WWOX: variants seen among roughly 807,000 people sequenced by gnomAD.
WWOX encodes WW domain-containing oxidoreductase.
WWOX carries 69 observed loss-of-function variants against 46.2 expected under a neutral mutation model. That is an observed-to-expected ratio of 1.49 (90% CI 1.23 to 1.82). The LOEUF (loss-of-function observed/expected upper bound fraction) is 1.82. WWOX is among the 40% of genes most tolerant of loss of function. WWOX has a pLI of 0.00. For missense variants in WWOX, 919 were observed against 542.6 expected (o/e 1.69, Z -6.89); for synonymous variants, 359 against 202.6 (o/e 1.77, Z -6.56).
intron 8 of WWOX, among the ~76,000 whole-genome samples, chr16:78,709,476 G>T (rs1019110599): frequency 9.2e-5 from 14 of 152,156 alleles, no homozygotes; most frequent in Admixed American, 6.5e-4. Context: ...TATTACCAGG[G>T]TATTCTGTTC....
At chr16:79,051,174 G>C (rs944086539) in intron 8 of WWOX, among the ~76,000 whole-genome samples, 3 of 152,286 alleles carry the variant, frequency 2.0e-5, no homozygotes, top group Non-Finnish European at 2.9e-5. Context: ...CTTGAAGTTG[G>C]AGCCTGTTGG....
At chr16:78,890,153 C>G (rs981835160) in intron 8 of WWOX, 1 of 152,118 alleles carries the variant, frequency 6.6e-6, no homozygotes, top group Non-Finnish European at 1.5e-5. Context: ...AATGTCATAA[C>G]AGTTTTGAAG....
chr16:78,565,198 C>G (rs941561670), intron 8 of WWOX, among the ~76,000 whole-genome samples: 11 of 152,158 alleles, frequency 7.2e-5, no homozygotes, highest in African/African-American at 1.7e-4. Flanking sequence ...TGTTTCTTTC[C>G]TCTTGCTGAT....
chr16:78,828,631 A>C lies in WWOX; in HGVS notation c.1057-382977A>C, dbSNP rs35126225. Among the ~76,000 whole-genome samples, 1,523 of 152,316 alleles carry C rather than the reference A, an allele frequency of 1.0e-2. 13 individuals carry two copies. The highest frequency in any genetic ancestry group is 0.027 in the Middle Eastern group (8 of 294). The stretch of plus-strand genomic sequence containing the variant: ...CATGTCCTAATAATAAACGTGATAT[A>C]ATCTATCATTATTTACAAAACTTCA... On this transcript the variant is annotated intron_variant, in intron 8 of 8. Transcript: ENST00000566780.
intron 8 of WWOX, among the ~76,000 whole-genome samples, chr16:78,665,122 G>A (rs969029367): frequency 3.9e-5 from 6 of 152,308 alleles, no homozygotes; most frequent in Middle Eastern, 3.4e-3. Context: ...AGATAGCAGA[G>A]CCCGGGGCTT....
At position 78,211,646 on chromosome 16, in the gene WWOX, C is replaced by T. The variant is rs138067201; in HGVS notation, c.516+47357C>T. On this transcript the variant is annotated intron_variant, in intron 5 of 8. Transcript: ENST00000566780. Reference sequence around the variant, plus strand: ...GGCTGCTGGACTGTGTGCTTAGAATCAGTGTGCTAACTCTGTTACCAACAC... The same window carrying T: ...GGCTGCTGGACTGTGTGCTTAGAATTAGTGTGCTAACTCTGTTACCAACAC... Among the ~76,000 whole-genome samples the T allele has an allele frequency of 5.2e-3, 795 of 152,294 alleles. 6 individuals are homozygous for T. Among genetic ancestry groups the T allele is most frequent in the Non-Finnish European group, 6.5e-3 (440 of 68,014 alleles).
intron 8 of WWOX, among the ~76,000 whole-genome samples, chr16:78,983,725 TA>T (rs1191174360): frequency 1.3e-5 from 2 of 152,206 alleles, no homozygotes; most frequent in East Asian, 3.9e-4. Flanking sequence ...TTCTGGTCAA[TA>T]AGGCATTTCA....
intron 8 of WWOX, among the ~76,000 whole-genome samples, chr16:78,524,233 C>G (rs576878746): frequency 1.3e-5 from 2 of 152,258 alleles, no homozygotes; most frequent in African/African-American, 2.4e-5. Flanking sequence ...TCTAAAGGCA[C>G]TTGTCATGGT....
intron 8 of WWOX, among the ~76,000 whole-genome samples, chr16:78,855,468 A>G (rs1047469216): frequency 6.6e-6 from 1 of 152,168 alleles, no homozygotes; most frequent in Non-Finnish European, 1.5e-5. Context: ...ATCTTTTGCT[A>G]TGTTCACTTT....
chr16:78,421,553 C>A (rs1438487474), intron 6 of WWOX, among the ~76,000 whole-genome samples: 1 of 152,184 alleles, frequency 6.6e-6, no homozygotes, highest in Non-Finnish European at 1.5e-5. Context: ...CAGATCCCTA[C>A]CATTCAACTC....
intron 8 of WWOX, among the ~76,000 whole-genome samples, chr16:78,693,063 G>C (rs913628300): frequency 6.6e-6 from 1 of 152,196 alleles, no homozygotes; most frequent in African/African-American, 2.4e-5. Context: ...GCCATCCAGA[G>C]CTTGCCAGCA....
At chr16:78,918,280 G>C (rs932873830) in intron 8 of WWOX, among the ~76,000 whole-genome samples, 1 of 151,986 alleles carries the variant, frequency 6.6e-6, no homozygotes, top group Non-Finnish European at 1.5e-5. Context: ...AAAAATAAAT[G>C]GATACATGAT....
chr16:78,602,243 A>T (rs1289312506), intron 8 of WWOX, among the ~76,000 whole-genome samples: 1 of 151,698 alleles, frequency 6.6e-6, no homozygotes, highest in East Asian at 1.9e-4. Context: ...ATCTGGATAG[A>T]TTTTTTTTAG....
chr16:79,176,422 C>T (rs532217985), intron 8 of WWOX, among the ~76,000 whole-genome samples: 13 of 152,198 alleles, frequency 8.5e-5, no homozygotes, highest in African/African-American at 3.1e-4. Flanking sequence ...CAAATATCCT[C>T]TAGCCCTTTG....
chr16:79,179,276 C>A (rs1794312745), intron 8 of WWOX, among the ~76,000 whole-genome samples: 1 of 152,176 alleles, frequency 6.6e-6, no homozygotes, highest in Non-Finnish European at 1.5e-5. Flanking sequence ...GGTGAATGAA[C>A]ATAAAAACCG....
intron 8 of WWOX, among the ~76,000 whole-genome samples, chr16:78,618,066 T>C (rs2046071910): frequency 6.6e-6 from 1 of 152,200 alleles, no homozygotes; most frequent in Non-Finnish European, 1.5e-5. Flanking sequence ...GAATTAAATT[T>C]TCATGGCAAG....
intron 8 of WWOX, among the ~76,000 whole-genome samples, chr16:79,143,320 C>A (rs1226516613): frequency 1.3e-5 from 2 of 152,200 alleles, no homozygotes; most frequent in African/African-American, 4.8e-5. Context: ...CCGCCTAACA[C>A]ATTAAATGTA....
At chr16:78,851,231 C>G (rs941346642) in intron 8 of WWOX, among the ~76,000 whole-genome samples, 3 of 152,110 alleles carry the variant, frequency 2.0e-5, no homozygotes, top group Non-Finnish European at 2.9e-5. Context: ...CTACAATAAC[C>G]AAATTCACAG....
At chr16:78,728,110 G>C (rs1459718352) in intron 8 of WWOX, among the ~76,000 whole-genome samples, 1 of 115,532 alleles carries the variant, frequency 8.7e-6, no homozygotes, top group East Asian at 2.9e-4. Flanking sequence ...TGTCACCCAA[G>C]CTGGAGTGCA....
Sources: gnomAD v4.1 joint callset for allele counts (sites outside exome capture counted in the v4.1 genomes callset) on GRCh38, gnomAD v4.1.1 for gene constraint, MANE v1.5 for transcripts, NCBI Gene and HGNC (gene_info 2026-07-23, HGNC 2026-07-21) for gene names.